Variants in TP53I13 observed in about 807,000 individuals in gnomAD.
TP53I13 encodes tumor protein p53-inducible protein 13.
In TP53I13, 27 loss-of-function variants were observed where a neutral mutation model predicts 39.1. That is an observed-to-expected ratio of 0.69 (90% CI 0.51 to 0.95). The LOEUF is 0.95. TP53I13 is among the 40% of genes least tolerant of loss of function. The pLI is 0.00. For synonymous variants in TP53I13, 230 were observed against 224.6 expected, an observed-to-expected ratio of 1.02 and a Z score of -0.22; for missense variants, 544 against 520.4, an observed-to-expected ratio of 1.05 and a Z score of -0.44.
At chr17:29,581,190 T>G in the TP53I13 span, 1 of 679,828 alleles carries the variant, frequency 1.5e-6, no homozygotes, top group South Asian at 1.6e-5. This position sits in a 1 kb window ranked among gnomAD's most constrained non-coding sequence, Gnocchi z 4.8. Flanking sequence ...GGCCCAGCAT[T>G]AGGGACTGAG....
In TP53I13 at chr17:29,572,894, C is replaced by T. The variant is rs1289248794; in HGVS notation, c.1152C>T (p.Asp384=). The T allele has an allele frequency of 4.0e-6, 6 of 1,512,696 alleles. No individual in the cohort carries two copies. The East Asian group carries it at 1.3e-4, about 33-fold the overall frequency. The allele number at this position is 1,512,696 out of a possible 1,614,324, so 93.7% of individuals were successfully genotyped here. A position where few individuals can be genotyped will look rare whatever the true frequency, so the allele number is the denominator to read the frequency against. ...RRRPLLPPTP[D]SGPEGESSE is the part of the protein sequence containing the mutation. Reference sequence around the variant, plus strand: ...GACCCCTCCTCCCGCCCACGCCGGACAGCGGCCCGGAAGGCGAGAGCTCGG... The same window carrying T: ...GACCCCTCCTCCCGCCCACGCCGGATAGCGGCCCGGAAGGCGAGAGCTCGG... Residue 384 remains aspartate (D), a synonymous_variant, in exon 7 of 7, where the codon GAC becomes GAT. Coordinates refer to ENST00000301057, the MANE Select transcript of TP53I13 (RefSeq NM_138349.4).
the TP53I13 span, chr17:29,581,125 C>A: frequency 1.7e-6 from 1 of 591,530 alleles, no homozygotes; most frequent in Non-Finnish European, 3.0e-6. The surrounding 1 kb of genome is among the most constrained non-coding windows in gnomAD (Gnocchi z 4.8). Flanking sequence ...TTGACAGTCA[C>A]GGGGCTCAGG....
chr17:29,574,430 C>CT (rs1226286118), downstream of TP53I13: 1 of 495,320 alleles, frequency 2.0e-6, no homozygotes, highest in Non-Finnish European at 3.7e-6. Flanking sequence ...GGAGTGATGC[C>CT]TTGCAGGCCC....
At chr17:29,570,956 C>T (rs1374548456) in intron 3 of TP53I13, 3 of 152,414 alleles carry the variant, frequency 2.0e-5, no homozygotes, top group African/African-American at 4.8e-5. Flanking sequence ...TCCCCTCCTC[C>T]TCTGAATCTA....
chr17:29,569,467 C>T, intron 3 of TP53I13, 108 bp downstream of exon 3: 1 of 1,100,376 alleles, frequency 9.1e-7, no homozygotes, highest in Non-Finnish European at 1.3e-6. Context: ...CTTACCACTT[C>T]CCTCAGGCAG....
Position 29,568,769 on chromosome 17 carries a change from C to G in TP53I13, c.11C>G (p.Pro4Arg). ...CCGGGGCCGCTTGGAATGGCGCCTC[C>G]TCCGCCTTCGCCCCAACTGCTTCTC... MAPPPPSPQLLLLA... is the reference protein window; with the variant it reads MAPRPPSPQLLLLA... The change falls in exon 1 of 7, where the codon CCT becomes CGT. Residue 4 changes from proline to arginine, a missense_variant. Coordinates refer to ENST00000301057, the MANE Select transcript of TP53I13 (RefSeq NM_138349.4). This position sits in a 1 kb window ranked among gnomAD's most constrained non-coding sequence, Gnocchi z 4.5. The G allele has an allele frequency of 6.3e-7, 1 of 1,590,542 alleles. No individual in the cohort carries two copies.
At chr17:29,569,676 C>G in intron 3 of TP53I13, 1 of 314,104 alleles carries the variant, frequency 3.2e-6, no homozygotes, top group South Asian at 5.2e-5. Context: ...GGCTCCAGCT[C>G]CCTGAGGAGA....
At chr17:29,571,476 A>C in intron 3 of TP53I13, 115 bp from the exon 4 acceptor site, 1 of 1,446,778 alleles carries the variant, frequency 6.9e-7, no homozygotes, top group Non-Finnish European at 9.3e-7. Flanking sequence ...CTGAAGGTAG[A>C]AGAGCCATCC....
chr17:29,578,766 C>T, the TP53I13 span: 37 of 1,613,930 alleles, frequency 2.3e-5, no homozygotes, highest in Middle Eastern at 1.6e-4. Context: ...TTGGCCAATT[C>T]GGATAAGTCA....
chr17:29,566,376 G>T (rs775785487), upstream of TP53I13: 1 of 1,610,858 alleles, frequency 6.2e-7, no homozygotes, highest in Non-Finnish European at 8.5e-7. Context: ...GTGGGCAACC[G>T]TGGTGGCCGC....
chr17:29,567,644 C>A (rs954957903), upstream of TP53I13, among the ~76,000 whole-genome samples: 2 of 152,106 alleles, frequency 1.3e-5, no homozygotes, highest in African/African-American at 4.8e-5. This position sits in a 1 kb window ranked among gnomAD's most constrained non-coding sequence, Gnocchi z 6.6. Context: ...GTGGACTCCT[C>A]GCCCCCGTCC....
upstream of TP53I13, chr17:29,567,412 G>A (rs2032747929): frequency 6.6e-6 from 1 of 151,904 alleles, no homozygotes; most frequent in Non-Finnish European, 1.5e-5. The surrounding 1 kb of genome is among the most constrained non-coding windows in gnomAD (Gnocchi z 6.6). Flanking sequence ...GAAGGGAGAG[G>A]TGAGTAAGTC....
upstream of TP53I13, chr17:29,568,684 C>A (rs2032796697): frequency 9.9e-7 from 1 of 1,012,378 alleles, no homozygotes; most frequent in Non-Finnish European, 1.2e-6. This position sits in a 1 kb window ranked among gnomAD's most constrained non-coding sequence, Gnocchi z 4.5. Flanking sequence ...GGCGCTGGGG[C>A]TGGAGGGGCG....
At position 29,572,515 on chromosome 17, in the gene TP53I13, C is replaced by G; in HGVS notation, c.887C>G (p.Pro296Arg). ...TCCCCGGCCCCTCGCGCAGCAGCGC[C>G]TCCACGGGCAGCCCGGGGCCCCACC... Reference protein sequence around the residue: ...QASPAPRAAAPPRAARGPTPR... With the variant: ...QASPAPRAAARPRAARGPTPR... Residue 296 changes from proline (P) to arginine (R), a missense_variant, in exon 6 of 7, where the codon CCT (proline) becomes CGT (arginine). Coordinates refer to ENST00000301057, the MANE Select transcript of TP53I13 (RefSeq NM_138349.4). 6.2e-7 allele frequency: 1 copy of G among 1,606,442 alleles called. No individual in the cohort carries two copies. Among genetic ancestry groups the G allele is most frequent in the Non-Finnish European group, 8.5e-7 (1 of 1,176,986 alleles).
downstream of TP53I13, chr17:29,577,801 G>T: frequency 9.7e-7 from 1 of 1,031,256 alleles, no homozygotes; most frequent in Non-Finnish European, 1.5e-6. Flanking sequence ...AGGTGGGGGT[G>T]GGGAAGCACT....
upstream of TP53I13, chr17:29,566,369 G>A (rs918336064): frequency 7.4e-5 from 120 of 1,610,774 alleles, no homozygotes; most frequent in Non-Finnish European, 9.5e-5. Context: ...CTGACCAGTG[G>A]GCAACCGTGG....
chr17:29,568,667 G>T, upstream of TP53I13: 1 of 892,684 alleles, frequency 1.1e-6, no homozygotes, highest in African/African-American at 1.8e-5. The surrounding 1 kb of genome is among the most constrained non-coding windows in gnomAD (Gnocchi z 4.5). Flanking sequence ...GGCGCGGGCG[G>T]CGCGGGGGCG....
downstream of TP53I13, chr17:29,574,280 CAAAGGAGGGGA>C: frequency 4.5e-6 from 1 of 223,376 alleles, no homozygotes; most frequent in South Asian, 6.4e-5. Flanking sequence ...AGACTATGTA[CAAAGGAGGGGA>C]TGCCCCCGCT....
chr17:29,574,237 G>A (rs2033099271), downstream of TP53I13: 1 of 165,138 alleles, frequency 6.1e-6, no homozygotes, highest in Admixed American at 6.1e-5. Context: ...GAGCAGCAAG[G>A]GGCTGGTGGC....
Sources: gnomAD v4.1 joint callset for allele counts (sites outside exome capture counted in the v4.1 genomes callset) on GRCh38, gnomAD v4.1.1 for gene constraint, Gnocchi (gnomAD v3.1) non-coding constraint, MANE v1.5 for transcripts, NCBI Gene and HGNC (gene_info 2026-07-23, HGNC 2026-07-21) for gene names.